COL12A1: variants seen among roughly 807,000 people sequenced by gnomAD.
COL12A1 encodes collagen type XII alpha 1 chain.
COL12A1 carries 114 observed loss-of-function variants against 349.7 expected under a neutral mutation model. The ratio of observed to expected loss-of-function variants is 0.33; its 90% confidence interval spans 0.28 to 0.38. The LOEUF is 0.38. Ranked by LOEUF, COL12A1 falls within the 10% of genes least tolerant of loss-of-function variation. The pLI is 1.00. For synonymous variants in COL12A1, 1,369 were observed against 1,329.0 expected (o/e 1.03, Z -0.66); for missense variants, 3,284 against 3,756.9 (o/e 0.87, Z 3.29).
chr6:75,085,978 CA>C lies in COL12A1; in HGVS notation c.*568del, dbSNP rs1767467932. 6.5e-6 allele frequency: 1 copy of C among 153,052 alleles called. No homozygotes were observed. The allele number at this position is 153,052 out of a possible 1,614,324, so 9.5% of individuals were successfully genotyped here. ...TGAGAGGACACGGACAAAAAAGTAA[CA>C]AAAAGACAGATGCCCTGAATCAGAC... is the stretch of plus-strand genomic sequence containing the variant. On this transcript the variant is annotated 3_prime_UTR_variant, in exon 66 of 66. Coordinates refer to ENST00000322507, the MANE Select transcript of COL12A1 (RefSeq NM_004370.6).
chr6:75,190,695 G>T (rs183609257), intron 5 of COL12A1, among the ~76,000 whole-genome samples: 1 of 151,902 alleles, frequency 6.6e-6, no homozygotes. Context: ...TTTTGTTCTT[G>T]CAGTCAGCTG....
intron 59 of COL12A1, 37 bp downstream of exon 59, chr6:75,097,216 G>C: frequency 6.3e-7 from 1 of 1,597,680 alleles, no homozygotes; most frequent in Non-Finnish European, 8.6e-7. Context: ...GAGGGTGGGA[G>C]TGAAGGGCAC....
At position 75,175,274 on chromosome 6, in the gene COL12A1, G is replaced by A; in HGVS notation, c.2474C>T (p.Pro825Leu). 1 of 1,614,138 alleles carries A rather than the reference G, an allele frequency of 6.2e-7. No homozygotes were observed. The highest frequency in any genetic ancestry group is 8.5e-7 in the Non-Finnish European group (1 of 1,180,034). Residue 825 changes from proline (P) to leucine (L), a missense_variant, in exon 13 of 66, where the codon CCT becomes CTT. Physicochemically the swap from Pro to Leu is moderately conservative, Grantham distance 98. Transcript: ENST00000322507. ...GNPRDLRVSDPTTSTMKLSWS... is the reference protein window; with the variant it reads ...GNPRDLRVSDLTTSTMKLSWS... The stretch of plus-strand genomic sequence containing the variant: ...AGATAATTTCATAGTAGACGTCGTA[G>A]GGTCAGAAACTCTTAAGTCTCTTGG...
At position 75,119,456 on chromosome 6, in the gene COL12A1, G is replaced by A; in HGVS notation, c.7104C>T (p.Tyr2368=). 6.2e-7 allele frequency: 1 copy of A among 1,611,968 alleles called. No individual in the cohort carries two copies. The highest frequency in any genetic ancestry group is 8.5e-7 in the Non-Finnish European group (1 of 1,179,106). Residue 2368 remains tyrosine (Y), a synonymous_variant, in exon 45 of 66, where the codon TAC becomes TAT. Transcript: ENST00000322507. The part of the protein sequence containing the change: ...PAGIQVSFVQ[Y]SDEVKSEFKL... ...TGAACTCAGACTTGACCTCATCGCT[G>A]TATTGCACAAATGAAACCTGAAGGA...
intron 2 of COL12A1, 44 bp downstream of exon 2, chr6:75,202,676 G>T (rs746372175): frequency 1.6e-5 from 24 of 1,524,566 alleles, no homozygotes; most frequent in Non-Finnish European, 2.0e-5. Flanking sequence ...TTCCTTTCTC[G>T]AATTTTGCAT....
At chr6:75,202,916 C>A (rs1275545003) in intron 1 of COL12A1, 89 bp from the exon 2 acceptor site, 3 of 777,092 alleles carry the variant, frequency 3.9e-6, no homozygotes, top group Non-Finnish European at 4.2e-6. Flanking sequence ...AGTCCAGAAC[C>A]CGACCAGATC....
intron 53 of COL12A1, among the ~76,000 whole-genome samples, chr6:75,105,783 A>G (rs1349594491): frequency 2.6e-5 from 4 of 152,122 alleles, no homozygotes; most frequent in African/African-American, 4.8e-5. Context: ...AATATAGTAT[A>G]TATGTCCTTA....
chr6:75,115,743 C>T (rs754984993), intron 49 of COL12A1, 41 bp downstream of exon 49: 4 of 1,556,838 alleles, frequency 2.6e-6, no homozygotes, highest in Non-Finnish European at 3.5e-6. Flanking sequence ...GAACTTTTTG[C>T]AGGTCTTAAG....
chr6:75,152,304 T>C lies in COL12A1; in HGVS notation c.3715+29A>G, dbSNP rs760641489. 4.3e-6 allele frequency: 7 copies of C among 1,613,474 alleles called. No homozygotes were observed. The South Asian group carries it at 4.4e-5, about 10-fold the overall frequency. The stretch of plus-strand genomic sequence containing the variant: ...TGTGAAAGAGAAAGATAAAAATGTC[T>C]AAATGGCTCCAATGTTGTCAGAACC... On this transcript the variant is annotated intron_variant, in intron 18 of 65. Transcript: ENST00000322507.
chr6:75,156,087 C>G (rs1767747408), intron 15 of COL12A1, among the ~76,000 whole-genome samples, 170 bp downstream of exon 15: 1 of 152,018 alleles, frequency 6.6e-6, no homozygotes, highest in African/African-American at 2.4e-5. Flanking sequence ...AATCATTTTA[C>G]CAGGAACTAG....
chr6:75,165,698 A>G lies in COL12A1; in HGVS notation c.2792T>C (p.Met931Thr). The change falls in exon 14 of 66, where the codon ATG becomes ACG. Residue 931 changes from methionine (M) to threonine (T), a missense_variant. Coordinates refer to ENST00000322507, the MANE Select transcript of COL12A1 (RefSeq NM_004370.6). ...CCATGAGACCCTGTAACCGCGAACCATTCCTGGAGCAGATGTCCAATAAGC... is the reference window on the plus strand; with the variant it reads ...CCATGAGACCCTGTAACCGCGAACCGTTCCTGGAGCAGATGTCCAATAAGC... ...IGAYWTSAPG[M>T]VRGYRVSWKS... is the part of the protein sequence containing the mutation. 6.2e-7 allele frequency: 1 copy of G among 1,614,040 alleles called. No homozygotes were observed. The highest frequency in any genetic ancestry group is 8.5e-7 in the Non-Finnish European group (1 of 1,179,924).
intron 21 of COL12A1, among the ~76,000 whole-genome samples, chr6:75,148,849 G>A (rs2149411360): frequency 6.6e-6 from 1 of 152,252 alleles, no homozygotes; most frequent in African/African-American, 2.4e-5. Flanking sequence ...TTGAATTGTA[G>A]CTCCCATAAG....
Position 75,143,071 on chromosome 6 carries a change from A to C in COL12A1, c.4827+181T>G. On this transcript the variant is annotated intron_variant, in intron 26 of 65. Transcript: ENST00000322507. ...CACAGCAAAACATTTCTGTTTTGAC[A>C]AGACAGTCCAATATATCATTGATTT... is the stretch of plus-strand genomic sequence containing the variant. The C allele has an allele frequency of 4.8e-6, 3 of 625,142 alleles. No homozygotes were observed. The South Asian group carries it at 6.1e-5, about 13-fold the overall frequency. 38.7% of individuals were successfully genotyped at this position (625,142 alleles called of 1,614,324 possible).
rs758060047 is a variant in COL12A1, at chr6:75,175,247, C to T, written c.2501G>A (p.Trp834Ter). 1.2e-6 allele frequency: 2 copies of T among 1,614,196 alleles called. No homozygotes were observed. Among genetic ancestry groups the T allele is most frequent in the South Asian group, 1.1e-5 (1 of 91,080 alleles). ...TTTCACTTTTCCTGGTGCCCCACTC[C>T]AAGATAATTTCATAGTAGACGTCGT... The part of the protein sequence containing the change: ...DPTTSTMKLS[W>*]SGAPGKVKQY... The change falls in exon 13 of 66, where the codon TGG (tryptophan) becomes TAG (stop). Residue 834 changes from tryptophan (W) to a stop codon, truncating the protein, a stop_gained. Coordinates refer to ENST00000322507, the MANE Select transcript of COL12A1 (RefSeq NM_004370.6). LOFTEE classifies it high-confidence loss of function.
intron 14 of COL12A1, among the ~76,000 whole-genome samples, chr6:75,161,396 A>G (rs1306335720): frequency 6.6e-6 from 1 of 152,040 alleles, no homozygotes; most frequent in Non-Finnish European, 1.5e-5. Flanking sequence ...GTTATTTCTT[A>G]TTGCTTTTTA....
intron 23 of COL12A1, among the ~76,000 whole-genome samples, chr6:75,146,966 C>T (rs887922477): frequency 3.3e-5 from 5 of 152,186 alleles, no homozygotes; most frequent in African/African-American, 9.6e-5. Context: ...ACTCCTTCTT[C>T]TTAAAAGTGG....
chr6:75,097,375 AG>A, intron 58 of COL12A1, 69 bp from the exon 59 acceptor site: 2 of 1,302,422 alleles, frequency 1.5e-6, no homozygotes, highest in Non-Finnish European at 2.2e-6. Context: ...GATGCTAAAC[AG>A]GTTGCTAAAG....
chr6:75,086,603 G>A lies in COL12A1; in HGVS notation c.9182-46C>T, dbSNP rs755049081. ...TAGTTTTTAAAAGTTGAATGACTAAGTAAAAAATATAAATACACATCCATC... is the reference window on the plus strand; with the variant it reads ...TAGTTTTTAAAAGTTGAATGACTAAATAAAAAATATAAATACACATCCATC... On this transcript the variant is annotated intron_variant, in intron 65 of 65. Transcript: ENST00000322507. The A allele has an allele frequency of 2.6e-6, 4 of 1,529,648 alleles. No individual in the cohort carries two copies. The East Asian group carries it at 7.2e-5, about 28-fold the overall frequency. The allele number at this position is 1,529,648 out of a possible 1,614,324, so 94.8% of individuals were successfully genotyped here. A position where few individuals can be genotyped will look rare whatever the true frequency, so the allele number is the denominator to read the frequency against.
At chr6:75,119,552 G>A (rs1325824174) in intron 44 of COL12A1, 79 bp from the exon 45 acceptor site, 23 of 1,499,266 alleles carry the variant, frequency 1.5e-5, no homozygotes, top group Middle Eastern at 1.8e-4. Flanking sequence ...CTCTAGCTGC[G>A]GAATAAAGCG....
Sources: allele counts gnomAD v4.1 joint callset (sites outside exome capture counted in the v4.1 genomes callset), GRCh38; gene constraint gnomAD v4.1.1; transcripts MANE v1.5; gene names NCBI Gene and HGNC (gene_info 2026-07-23, HGNC 2026-07-21).